LCN1: variants seen among roughly 807,000 people sequenced by gnomAD.
LCN1 encodes the protein lipocalin 1.
LCN1 carries 25 observed loss-of-function variants against 22.3 expected under a neutral mutation model. The ratio of observed to expected loss-of-function variants is 1.12; its 90% CI spans 0.82 to 1.56. LCN1 has a LOEUF of 1.56. Ranked by LOEUF, LCN1 falls within the 40% of genes most tolerant of loss-of-function variation. The pLI is 0.00. For synonymous variants in LCN1, 85 were observed against 97.6 expected (o/e 0.87, Z 0.76); for missense variants, 219 against 235.6 (o/e 0.93, Z 0.46).
In LCN1 at chr9:135,525,835, C is replaced by T. The variant is rs569613970; in HGVS notation, c.*2-509C>T. On this transcript the variant is annotated intron_variant, in intron 6 of 6. Coordinates refer to ENST00000371781, the MANE Select transcript of LCN1 (RefSeq NM_002297.4). The stretch of plus-strand genomic sequence containing the variant: ...CCCCCAAGAGTCCGTGTGTGCCCCC[C>T]ACACCATCGCCCCCAAGAGCTCGCA... Among the ~76,000 whole-genome samples the T allele has an allele frequency of 2.7e-5, 4 of 146,212 alleles. No homozygotes were observed. In the South Asian group the frequency reaches 9.2e-4, roughly 33 times the overall value.
At chr9:135,524,439 G>T (rs1191591692) in intron 4 of LCN1, among the ~76,000 whole-genome samples, 1 of 152,184 alleles carries the variant, frequency 6.6e-6, no homozygotes, top group African/African-American at 2.4e-5. Context: ...CATCAGTGCT[G>T]TCCCTGTCAG....
rs113368614 is a variant in LCN1, at chr9:135,522,092, T to C, written c.136T>C (p.Phe46Leu). The C allele has an allele frequency of 1.1e-3, 1,829 of 1,593,802 alleles. 20 individuals are homozygous for C. The African/African-American group carries it at 0.022, about 19-fold the overall frequency. The part of the protein sequence containing the change: ...YLKAMTVDRE[F>L]PEMNLESVTP... ...GAAGGCCATGACGGTGGACAGGGAGTTCCCTGAGATGAATCTGGAATCGGT... is the reference window on the plus strand; with the variant it reads ...GAAGGCCATGACGGTGGACAGGGAGCTCCCTGAGATGAATCTGGAATCGGT... Residue 46 changes from phenylalanine to leucine, a missense_variant, in exon 2 of 7, where the codon TTC becomes CTC. Transcript: ENST00000371781.
At chr9:135,522,025 G>A in intron 1 of LCN1, 22 bp from the exon 2 acceptor site, 1 of 1,589,558 alleles carries the variant, frequency 6.3e-7, no homozygotes, top group Non-Finnish European at 8.6e-7. Context: ...GCCTGAGCCT[G>A]ATAGAGAGGG....
At position 135,523,288 on chromosome 9, in the gene LCN1, G is replaced by A. The variant is rs772285152; in HGVS notation, c.278G>A (p.Gly93Glu). 1.2e-6 allele frequency: 2 copies of A among 1,613,132 alleles called. No individual in the cohort carries two copies. The highest frequency in any genetic ancestry group is 1.7e-6 in the Non-Finnish European group (2 of 1,179,774). ...KAVLEKTDEP[G>E]KYTADGGKHV... Reference sequence around the variant, plus strand: ...GTCCTGGAGAAAACTGACGAGCCGGGAAAATACACGGCCGGTGAGTCCCGG... The same window carrying A: ...GTCCTGGAGAAAACTGACGAGCCGGAAAAATACACGGCCGGTGAGTCCCGG... Residue 93 changes from glycine to glutamate, a missense_variant, in exon 3 of 7, where the codon GGA becomes GAA. Transcript: ENST00000371781.
intron 6 of LCN1, among the ~76,000 whole-genome samples, chr9:135,525,469 C>G (rs1198439011): frequency 6.6e-6 from 1 of 152,158 alleles, no homozygotes; most frequent in Non-Finnish European, 1.5e-5. Flanking sequence ...ATTCGGGTTC[C>G]TCCTCAGCAC....
rs775525907 is a variant in LCN1, at chr9:135,524,780, G to A, written c.404-50G>A. 2.4e-4 allele frequency: 340 copies of A among 1,442,382 alleles called. 1 individual carries two copies. Among genetic ancestry groups the A allele is most frequent in the Non-Finnish European group, 2.7e-4 (282 of 1,055,154 alleles). 89.3% of individuals were successfully genotyped at this position (1,442,382 alleles called of 1,614,324 possible). A position where few individuals can be genotyped will look rare whatever the true frequency, so the allele number is the denominator to read the frequency against. ...GGCCTCCAGACTGGGATGGGGTGCC[G>A]TCGGCCCAGTGCTGCCTCGAGCACC... On this transcript the variant is annotated intron_variant, in intron 4 of 6. Transcript: ENST00000371781.
At chr9:135,524,688 C>T in intron 4 of LCN1, 142 bp from the exon 5 acceptor site, 1 of 652,718 alleles carries the variant, frequency 1.5e-6, no homozygotes, top group Non-Finnish European at 2.6e-6. Context: ...CCCACTTTGC[C>T]AGCCTGAGGG....
intron 1 of LCN1, 101 bp from the exon 2 acceptor site, chr9:135,521,946 T>C (rs1175461200): frequency 2.0e-6 from 3 of 1,506,348 alleles, no homozygotes; most frequent in Non-Finnish European, 2.7e-6. Flanking sequence ...GTTCCCCGTT[T>C]CCAGCCCTCG....
At position 135,523,214 on chromosome 9, in the gene LCN1, G is replaced by A. The variant is rs775862817; in HGVS notation, c.222-18G>A. The A allele has an allele frequency of 3.1e-6, 5 of 1,610,058 alleles. No individual in the cohort carries two copies. Among genetic ancestry groups the A allele is most frequent in the Non-Finnish European group, 4.2e-6 (5 of 1,178,900 alleles). ...GCACAGGCCAGGGCCGCTTTGCCAGGGGGCTTCTGTTTTCCAGGATAAGTG... is the reference window on the plus strand; with the variant it reads ...GCACAGGCCAGGGCCGCTTTGCCAGAGGGCTTCTGTTTTCCAGGATAAGTG... On this transcript the variant is annotated intron_variant, in intron 2 of 6. Transcript: ENST00000371781.
intron 1 of LCN1, among the ~76,000 whole-genome samples, chr9:135,521,813 C>T (rs1220800904): frequency 6.6e-6 from 1 of 152,058 alleles, no homozygotes; most frequent in Non-Finnish European, 1.5e-5. Flanking sequence ...GTCTGGCTGA[C>T]TTCACTTCTT....
At chr9:135,525,203 G>A (rs760545402) in intron 6 of LCN1, 45 bp downstream of exon 6, 6 of 1,594,872 alleles carry the variant, frequency 3.8e-6, no homozygotes, top group Non-Finnish European at 5.1e-6. Flanking sequence ...TCCAGTTCTG[G>A]GGCTCAGTGG....
chr9:135,523,317 C>A lies in LCN1; in HGVS notation c.292+15C>A. Reference sequence around the variant, plus strand: ...ATACACGGCCGGTGAGTCCCGGGGCCTGAGCCAGAGCCTGAGCTTGAACAC... The same window carrying A: ...ATACACGGCCGGTGAGTCCCGGGGCATGAGCCAGAGCCTGAGCTTGAACAC... On this transcript the variant is annotated intron_variant, in intron 3 of 6. Transcript: ENST00000371781. The A allele has an allele frequency of 6.2e-7, 1 of 1,608,986 alleles. No individual in the cohort carries two copies. Among genetic ancestry groups the A allele is most frequent in the South Asian group, 1.1e-5 (1 of 90,190 alleles).
At chr9:135,522,778 G>T (rs1482063261) in intron 2 of LCN1, among the ~76,000 whole-genome samples, 1 of 152,188 alleles carries the variant, frequency 6.6e-6, no homozygotes, top group Non-Finnish European at 1.5e-5. Context: ...ACTGACCCTG[G>T]CAATGACCCC....
chr9:135,522,342 G>A (rs994039297), intron 2 of LCN1, among the ~76,000 whole-genome samples, 165 bp downstream of exon 2: 4 of 152,196 alleles, frequency 2.6e-5, no homozygotes, highest in African/African-American at 7.2e-5. Flanking sequence ...GAGGTGCCTC[G>A]GCTGGAGGGG....
At position 135,525,126 on chromosome 9, in the gene LCN1, C is replaced by T. The variant is rs928777841; in HGVS notation, c.506-6C>T. 1 of 1,613,398 alleles carries T rather than the reference C, an allele frequency of 6.2e-7. No homozygotes were observed. The highest frequency in any genetic ancestry group is 1.3e-5 in the African/African-American group (1 of 74,908). On this transcript the variant is annotated splice_region_variant and splice_polypyrimidine_tract_variant and intron_variant, in intron 5 of 6. Transcript: ENST00000371781. ...CTCCTAACGCCTGTGCTTCCTTTTCCTGCAGAAACCTGCTCTCCAGGGAGC... is the reference window on the plus strand; with the variant it reads ...CTCCTAACGCCTGTGCTTCCTTTTCTTGCAGAAACCTGCTCTCCAGGGAGC...
At position 135,523,897 on chromosome 9, in the gene LCN1, G is replaced by A. The variant is rs1831562076; in HGVS notation, c.310G>A (p.Ala104Thr). 4 of 1,613,926 alleles carry A rather than the reference G, an allele frequency of 2.5e-6. No individual in the cohort carries two copies. Among genetic ancestry groups the A allele is most frequent in the Non-Finnish European group, 3.4e-6 (4 of 1,179,944 alleles). ...TTCTGCAGACGGGGGCAAGCACGTG[G>A]CATACATCATCAGGTCGCACGTGAA... Reference protein sequence around the residue: ...KYTADGGKHVAYIIRSHVKDH... With the variant: ...KYTADGGKHVTYIIRSHVKDH... Residue 104 changes from alanine to threonine, a missense_variant, in exon 4 of 7, where the codon GCA becomes ACA. Physicochemically the swap from Ala to Thr is moderately conservative, Grantham distance 58. Coordinates refer to ENST00000371781, the MANE Select transcript of LCN1 (RefSeq NM_002297.4).
rs775573055 is a variant in LCN1 at position 135,522,196 on chromosome 9, G to T, written c.221+19G>T. On this transcript the variant is annotated intron_variant, in intron 2 of 6. Coordinates refer to ENST00000371781, the MANE Select transcript of LCN1 (RefSeq NM_002297.4). Reference sequence around the variant, plus strand: ...CCATGCTGTGAGTGTCTGCCAGCCGGCCGGGCAGCCTGCAACCTGGTCTAG... The same window carrying T: ...CCATGCTGTGAGTGTCTGCCAGCCGTCCGGGCAGCCTGCAACCTGGTCTAG... The T allele has an allele frequency of 4.4e-6, 7 of 1,603,624 alleles. No individual in the cohort carries two copies. Among genetic ancestry groups the T allele is most frequent in the Non-Finnish European group, 6.0e-6 (7 of 1,175,254 alleles).
chr9:135,523,355 C>A, intron 3 of LCN1, 53 bp downstream of exon 3: 2 of 1,537,356 alleles, frequency 1.3e-6, no homozygotes, highest in Non-Finnish European at 1.8e-6. Context: ...GCTGGATGTG[C>A]GGGGGCAGCC....
chr9:135,523,080 T>A, intron 2 of LCN1, 152 bp from the exon 3 acceptor site: 1 of 645,516 alleles, frequency 1.5e-6, no homozygotes, highest in Non-Finnish European at 2.6e-6. Context: ...GAGGGGCCGC[T>A]GGTGCCTGGG....
Sources: gnomAD v4.1 joint callset for allele counts (sites outside exome capture counted in the v4.1 genomes callset) on GRCh38, gnomAD v4.1.1 for gene constraint, MANE v1.5 for transcripts, NCBI Gene and HGNC (gene_info 2026-07-23, HGNC 2026-07-21) for gene names.